Variants in LIMD1 observed in about 807,000 individuals in gnomAD.
The protein encoded by LIMD1 is LIM domain-containing protein 1.
LIMD1 carries 23 observed loss-of-function variants against 58.4 expected under a neutral mutation model. That is an observed-to-expected ratio of 0.39 (90% CI 0.28 to 0.56). The LOEUF is 0.56. Among genes scored for constraint, LIMD1 ranks in the 20% least tolerant of loss-of-function variants. The pLI, the probability that LIMD1 is intolerant of heterozygous loss-of-function variation, is 0.57. For missense variants in LIMD1, 838 were observed against 855.5 expected (o/e 0.98, Z 0.25); for synonymous variants, 334 against 345.5 (o/e 0.97, Z 0.37).
At chr3:45,624,675 A>G (rs1281976801) in intron 1 of LIMD1, among the ~76,000 whole-genome samples, 1 of 152,190 alleles carries the variant, frequency 6.6e-6, no homozygotes, top group Non-Finnish European at 1.5e-5. Context: ...GAGAGCCAAG[A>G]TTGCGCCACT....
At chr3:45,659,343 T>G (rs1341736767) in intron 2 of LIMD1, among the ~76,000 whole-genome samples, 2 of 152,218 alleles carry the variant, frequency 1.3e-5, no homozygotes, top group Non-Finnish European at 2.9e-5. Flanking sequence ...AGTTCACACC[T>G]GTAATCCTGA....
rs1295978201 is a variant in LIMD1 at position 45,681,359 on chromosome 3, A to C, written c.*4300A>C. On this transcript the variant is annotated 3_prime_UTR_variant, in exon 8 of 8. Transcript: ENST00000273317. The stretch of plus-strand genomic sequence containing the variant: ...ACAGCTCTGGATTCTTAAAAGTACC[A>C]CATAGGTAGCAAACCTGTGAAGGGT... 2 of 152,236 alleles carry C rather than the reference A, an allele frequency of 1.3e-5. No individual in the cohort carries two copies. Among genetic ancestry groups the C allele is most frequent in the Non-Finnish European group, 2.9e-5 (2 of 68,042 alleles). The allele number at this position is 152,236 out of a possible 1,614,324, so 9.4% of individuals were successfully genotyped here. A position where few individuals can be genotyped will look rare whatever the true frequency, so the allele number is the denominator to read the frequency against.
chr3:45,646,232 A>G (rs1701906142), intron 2 of LIMD1, among the ~76,000 whole-genome samples: 2 of 152,204 alleles, frequency 1.3e-5, no homozygotes. Flanking sequence ...GCAGGTGGCC[A>G]CTGTGTATAC....
intron 2 of LIMD1, among the ~76,000 whole-genome samples, chr3:45,644,597 T>A (rs1701882071): frequency 6.6e-6 from 1 of 152,202 alleles, no homozygotes; most frequent in Admixed American, 6.5e-5. Flanking sequence ...ACTTAAGATG[T>A]ACAGATTGAG....
chr3:45,645,985 G>A (rs139539027), intron 2 of LIMD1, among the ~76,000 whole-genome samples: 72 of 150,484 alleles, frequency 4.8e-4, no homozygotes, highest in African/African-American at 1.6e-3. Context: ...AGCCGTGATC[G>A]TGCCACTGCA....
At chr3:45,620,222 A>G (rs1305848458) in intron 1 of LIMD1, among the ~76,000 whole-genome samples, 1 of 152,198 alleles carries the variant, frequency 6.6e-6, no homozygotes, top group East Asian at 1.9e-4. Flanking sequence ...GAGCCTTTTC[A>G]CAAGGAAGGG....
chr3:45,650,243 A>G (rs1262566321), intron 2 of LIMD1, among the ~76,000 whole-genome samples: 43 of 152,054 alleles, frequency 2.8e-4, no homozygotes, highest in Non-Finnish European at 2.9e-5. Flanking sequence ...AAATTCACTA[A>G]TGTTTTCTCT....
intron 1 of LIMD1, among the ~76,000 whole-genome samples, chr3:45,623,364 G>T (rs1701644121): frequency 6.6e-6 from 1 of 152,192 alleles, no homozygotes; most frequent in Non-Finnish European, 1.5e-5. Context: ...GGGGTGGGGT[G>T]CAGGACTTGC....
intron 1 of LIMD1, among the ~76,000 whole-genome samples, chr3:45,603,231 G>A (rs1258254712): frequency 8.6e-5 from 13 of 152,038 alleles, no homozygotes; most frequent in African/African-American, 2.9e-4. Flanking sequence ...TTAAAAAATC[G>A]AGCATTTTTC....
chr3:45,649,452 C>T (rs976540917), intron 2 of LIMD1, among the ~76,000 whole-genome samples: 2 of 151,392 alleles, frequency 1.3e-5, no homozygotes, highest in Non-Finnish European at 2.9e-5. Context: ...GAGGCCGAGG[C>T]GGGCCAATCA....
At chr3:45,665,798 T>A (rs1697509217) in intron 3 of LIMD1, 81 bp downstream of exon 3, 1 of 1,201,256 alleles carries the variant, frequency 8.3e-7, no homozygotes, top group African/African-American at 1.5e-5. Context: ...TGGGCCAGCG[T>A]GTAGGGAAGC....
At chr3:45,669,391 T>C (rs1479910374) in intron 4 of LIMD1, among the ~76,000 whole-genome samples, 1 of 152,262 alleles carries the variant, frequency 6.6e-6, no homozygotes, top group East Asian at 1.9e-4. Context: ...CTAGAGAAGA[T>C]AATTTCTAAT....
At chr3:45,644,000 C>T (rs1431123843) in intron 2 of LIMD1, among the ~76,000 whole-genome samples, 1 of 152,164 alleles carries the variant, frequency 6.6e-6, no homozygotes, top group Non-Finnish European at 1.5e-5. Context: ...TTCCAAAAAC[C>T]GAATGTCCAT....
chr3:45,682,795 C>G lies in LIMD1; in HGVS notation c.*5736C>G, dbSNP rs1470376664. 6.6e-6 allele frequency: 1 copy of G among 152,310 alleles called. No individual in the cohort carries two copies. Among genetic ancestry groups the G allele is most frequent in the Non-Finnish European group, 1.5e-5 (1 of 68,094 alleles). 9.4% of individuals were successfully genotyped at this position (152,310 alleles called of 1,614,324 possible). On this transcript the variant is annotated 3_prime_UTR_variant, in exon 8 of 8. Coordinates refer to ENST00000273317, the MANE Select transcript of LIMD1 (RefSeq NM_014240.3). ...TCAAAGCTACATAGTCAAAAAGCCA[C>G]AGGAGGCTGTGAGGAGAAGCTCACT...
At chr3:45,638,262 G>A (rs1310769324) in intron 2 of LIMD1, among the ~76,000 whole-genome samples, 1 of 152,064 alleles carries the variant, frequency 6.6e-6, no homozygotes, top group Non-Finnish European at 1.5e-5. Context: ...TGGGAGTTGT[G>A]TTTAGGCCCC....
Position 45,596,028 on chromosome 3 carries a change from C to A in LIMD1, c.1149C>A (p.Leu383=). The A allele has an allele frequency of 6.2e-7, 1 of 1,614,234 alleles. No homozygotes were observed. Among genetic ancestry groups the A allele is most frequent in the Non-Finnish European group, 8.5e-7 (1 of 1,180,042 alleles). ...GCTDLGTGPK[L]SPTSLVHPVM... is the part of the protein sequence containing the mutation. The stretch of plus-strand genomic sequence containing the variant: ...CAGACCTTGGCACTGGTCCCAAGCT[C>A]AGCCCCACCAGTCTTGTCCATCCAG... The change falls in exon 1 of 8, where the codon CTC becomes CTA. Residue 383 remains leucine (L), a synonymous_variant. Coordinates refer to ENST00000273317, the MANE Select transcript of LIMD1 (RefSeq NM_014240.3).
At chr3:45,614,991 G>A (rs1382490145) in intron 1 of LIMD1, among the ~76,000 whole-genome samples, 1 of 151,928 alleles carries the variant, frequency 6.6e-6, no homozygotes, top group African/African-American at 2.4e-5. Context: ...GTGAAAGTTG[G>A]GCCAATAGAG....
chr3:45,672,650 C>T, intron 4 of LIMD1, 40 bp from the exon 5 acceptor site: 1 of 1,609,488 alleles, frequency 6.2e-7, no homozygotes. Flanking sequence ...CCATCTCATC[C>T]TTCCCTATAA....
chr3:45,657,285 G>A (rs1289161954), intron 2 of LIMD1, among the ~76,000 whole-genome samples: 1 of 152,148 alleles, frequency 6.6e-6, no homozygotes, highest in African/African-American at 2.4e-5. Context: ...ATCACAAGGA[G>A]TTTTTACGGA....
Sources: gnomAD v4.1 joint callset for allele counts (sites outside exome capture counted in the v4.1 genomes callset) on GRCh38, gnomAD v4.1.1 for gene constraint, MANE v1.5 for transcripts, NCBI Gene and HGNC (gene_info 2026-07-23, HGNC 2026-07-21) for gene names.